The following ST6GALNAC5 variants were observed in gnomAD, a reference collection of about 807,000 sequenced individuals.
The protein encoded by ST6GALNAC5 is alpha-N-acetylgalactosaminide alpha-2,6-sialyltransferase 5.
ST6GALNAC5 carries 27 observed loss-of-function variants against 33.6 expected under a neutral mutation model. The ratio of observed to expected loss-of-function variants is 0.80; its 90% confidence interval spans 0.59 to 1.11. ST6GALNAC5 has a LOEUF of 1.11. ST6GALNAC5 is among the 50% of genes least tolerant of loss of function. ST6GALNAC5 has a pLI of 0.00. For synonymous variants in ST6GALNAC5, 194 were observed against 171.2 expected, an observed-to-expected ratio of 1.13 and a Z score of -1.04; for missense variants, 428 against 454.0, an observed-to-expected ratio of 0.94 and a Z score of 0.52.
At chr1:76,882,435 C>T (rs75528451) in intron 2 of ST6GALNAC5, among the ~76,000 whole-genome samples, 1 of 152,090 alleles carries the variant, frequency 6.6e-6, no homozygotes, top group African/African-American at 2.4e-5. Flanking sequence ...TTGACTCCCC[C>T]CAAATTCTGA....
chr1:77,051,919 C>T (rs542335779), intron 4 of ST6GALNAC5, among the ~76,000 whole-genome samples: 2 of 152,262 alleles, frequency 1.3e-5, no homozygotes, highest in East Asian at 3.9e-4. Context: ...TTAATGACTT[C>T]AAGTGTTCAA....
intron 2 of ST6GALNAC5, among the ~76,000 whole-genome samples, chr1:77,008,810 G>A (rs1286714739): frequency 1.3e-5 from 2 of 152,162 alleles, no homozygotes; most frequent in East Asian, 1.9e-4. Flanking sequence ...GATTACAGGC[G>A]TGAGCCACCA....
intron 2 of ST6GALNAC5, among the ~76,000 whole-genome samples, chr1:76,986,281 T>C (rs4600094): frequency 0.36 from 54,984 of 152,096 alleles, 11,347 homozygotes; most frequent in Non-Finnish European, 0.45. Context: ...AAAGGGCTAA[T>C]TTCCAGAATC....
At chr1:76,963,587 G>A (rs1648335714) in intron 2 of ST6GALNAC5, among the ~76,000 whole-genome samples, 1 of 152,208 alleles carries the variant, frequency 6.6e-6, no homozygotes, top group Non-Finnish European at 1.5e-5. Context: ...TGGATTGGGA[G>A]TCTTAATTTA....
chr1:76,983,183 G>A (rs982909430), intron 2 of ST6GALNAC5, among the ~76,000 whole-genome samples: 1 of 152,060 alleles, frequency 6.6e-6, no homozygotes, highest in African/African-American at 2.4e-5. Flanking sequence ...AATGTAAATG[G>A]GCTAAATACC....
intron 2 of ST6GALNAC5, among the ~76,000 whole-genome samples, chr1:77,026,051 C>G (rs1410633275): frequency 6.6e-6 from 1 of 152,228 alleles, no homozygotes; most frequent in African/African-American, 2.4e-5. Context: ...AACCTGAATT[C>G]TAGTCTTGGC....
At chr1:77,023,930 C>T (rs1390125535) in intron 2 of ST6GALNAC5, among the ~76,000 whole-genome samples, 1 of 152,130 alleles carries the variant, frequency 6.6e-6, no homozygotes, top group East Asian at 1.9e-4. Context: ...GGGTTTGCTT[C>T]ACATTTTAAC....
chr1:76,897,083 C>T (rs952292088), intron 2 of ST6GALNAC5, among the ~76,000 whole-genome samples: 7 of 152,118 alleles, frequency 4.6e-5, no homozygotes, highest in Non-Finnish European at 1.0e-4. Context: ...AGATAGGTAA[C>T]AGATGAGGAA....
chr1:76,939,687 G>A (rs553116788), intron 2 of ST6GALNAC5, among the ~76,000 whole-genome samples: 1 of 152,176 alleles, frequency 6.6e-6, no homozygotes, highest in South Asian at 2.1e-4. Flanking sequence ...TACGCATAGT[G>A]GTTAAGACTG....
At chr1:77,001,361 G>C (rs1489808352) in intron 2 of ST6GALNAC5, among the ~76,000 whole-genome samples, 1 of 124,862 alleles carries the variant, frequency 8.0e-6, no homozygotes, top group African/African-American at 3.0e-5. Context: ...AGACTTTGCT[G>C]AAGTTGCTTA....
intron 2 of ST6GALNAC5, among the ~76,000 whole-genome samples, chr1:76,892,073 T>G (rs1654025824): frequency 6.6e-6 from 1 of 152,212 alleles, no homozygotes; most frequent in Non-Finnish European, 1.5e-5. Flanking sequence ...TTATAGAGAC[T>G]AAAATTCCGT....
chr1:76,985,506 A>C (rs183915635), intron 2 of ST6GALNAC5, among the ~76,000 whole-genome samples: 12 of 152,346 alleles, frequency 7.9e-5, no homozygotes, highest in South Asian at 6.2e-4. Context: ...CAACGAAAGA[A>C]AAGAGGACAC....
intron 2 of ST6GALNAC5, among the ~76,000 whole-genome samples, chr1:77,005,844 TCAAGGTTCAG>T (rs1650391286): frequency 6.6e-6 from 1 of 152,262 alleles, no homozygotes; most frequent in Non-Finnish European, 1.5e-5. Flanking sequence ...GAGCATGTTT[TCAAGGTTCAG>T]CAATGTTGTA....
At chr1:76,937,469 A>G (rs892627808) in intron 2 of ST6GALNAC5, among the ~76,000 whole-genome samples, 10 of 152,042 alleles carry the variant, frequency 6.6e-5, no homozygotes, top group Admixed American at 5.9e-4. Flanking sequence ...GAAGGAAAAT[A>G]TTTGATAGCT....
At chr1:76,944,615 A>G (rs930207909) in intron 2 of ST6GALNAC5, among the ~76,000 whole-genome samples, 2 of 152,120 alleles carry the variant, frequency 1.3e-5, no homozygotes, top group Admixed American at 6.6e-5. Flanking sequence ...TGAGTGAATG[A>G]ATGAATGAAT....
chr1:76,950,471 C>G (rs559868008), intron 2 of ST6GALNAC5, among the ~76,000 whole-genome samples: 1 of 152,110 alleles, frequency 6.6e-6, no homozygotes, highest in East Asian at 1.9e-4. Context: ...TCCATTGAAG[C>G]AATTTTTTAA....
chr1:76,918,451 C>G (rs569931256), intron 2 of ST6GALNAC5, among the ~76,000 whole-genome samples: 1 of 151,978 alleles, frequency 6.6e-6, no homozygotes, highest in Non-Finnish European at 1.5e-5. Flanking sequence ...AACCCCGTCT[C>G]TAATAAAAAT....
chr1:77,016,741 G>T (rs1650866672), intron 2 of ST6GALNAC5, among the ~76,000 whole-genome samples: 1 of 152,128 alleles, frequency 6.6e-6, no homozygotes, highest in African/African-American at 2.4e-5. Flanking sequence ...TTTTAGAATT[G>T]TTTCATGTTG....
intron 2 of ST6GALNAC5, among the ~76,000 whole-genome samples, chr1:76,870,280 T>C (rs1054974012): frequency 6.6e-6 from 1 of 152,208 alleles, no homozygotes; most frequent in African/African-American, 2.4e-5. Flanking sequence ...TAGATGGCTG[T>C]GGTGTTTATG....
Sources: allele counts gnomAD v4.1 joint callset (sites outside exome capture counted in the v4.1 genomes callset), GRCh38; gene constraint gnomAD v4.1.1; transcripts MANE v1.5; gene names NCBI Gene and HGNC (gene_info 2026-07-23, HGNC 2026-07-21).